CCNYL1: variants seen among roughly 807,000 people sequenced by gnomAD.
CCNYL1 encodes cyclin-Y-like protein 1.
In CCNYL1, 16 loss-of-function variants were observed where a neutral mutation model predicts 44.2. The ratio of observed to expected loss-of-function variants is 0.36; its 90% CI spans 0.25 to 0.55. The LOEUF (loss-of-function observed/expected upper bound fraction) is 0.55, where lower values mean the gene tolerates loss of function less well. Ranked by LOEUF, CCNYL1 falls within the 20% of genes least tolerant of loss-of-function variation. CCNYL1 has a pLI of 0.85. For missense variants in CCNYL1, 348 were observed against 451.8 expected, an observed-to-expected ratio of 0.77 and a Z score of 2.08; for synonymous variants, 159 against 163.2, an observed-to-expected ratio of 0.97 and a Z score of 0.20.
Position 207,734,062 on chromosome 2 carries a change from G to A in CCNYL1, c.431+15G>A. On this transcript the variant is annotated intron_variant, in intron 4 of 9. Coordinates refer to ENST00000295414, the MANE Select transcript of CCNYL1 (RefSeq NM_001330218.2). ...ACAGTAAAATGGTGAGTACAACTAG[G>A]CTGCCAAGGGCTGAGTGACAGACCC... The A allele has an allele frequency of 6.6e-7, 1 of 1,521,172 alleles. No individual in the cohort carries two copies. The highest frequency in any genetic ancestry group is 1.7e-5 in the Admixed American group (1 of 59,272). The allele number at this position is 1,521,172 out of a possible 1,614,324, so 94.2% of individuals were successfully genotyped here.
chr2:207,740,443 C>T (rs1286287390), intron 5 of CCNYL1, among the ~76,000 whole-genome samples: 1 of 152,140 alleles, frequency 6.6e-6, no homozygotes, highest in Non-Finnish European at 1.5e-5. Flanking sequence ...TAGAAAAGAC[C>T]TCACAGTACA....
chr2:207,725,153 G>GA (rs2091670832), intron 2 of CCNYL1, among the ~76,000 whole-genome samples: 1 of 139,766 alleles, frequency 7.2e-6, no homozygotes, highest in Admixed American at 7.9e-5. Context: ...TGAGAGGCTG[G>GA]AGTGCCTTTA....
At chr2:207,728,194 C>T (rs1337968355) in intron 3 of CCNYL1, among the ~76,000 whole-genome samples, 1 of 152,042 alleles carries the variant, frequency 6.6e-6, no homozygotes, top group Non-Finnish European at 1.5e-5. Context: ...GAACTCCTGA[C>T]CTCAGGTGAT....
intron 7 of CCNYL1, among the ~76,000 whole-genome samples, chr2:207,745,063 G>A (rs1013106690): frequency 3.3e-5 from 5 of 152,170 alleles, no homozygotes; most frequent in African/African-American, 1.2e-4. Context: ...ACCTTGGCAA[G>A]AGGAGTCTCA....
chr2:207,738,473 A>G (rs1448958801), intron 5 of CCNYL1, among the ~76,000 whole-genome samples: 1 of 152,106 alleles, frequency 6.6e-6, no homozygotes, highest in East Asian at 1.9e-4. Flanking sequence ...CACCCGCCTC[A>G]GCCTCCCAAA....
At chr2:207,737,388 A>G in intron 4 of CCNYL1, 23 bp from the exon 5 acceptor site, 1 of 1,584,314 alleles carries the variant, frequency 6.3e-7, no homozygotes, top group Non-Finnish European at 8.7e-7. Flanking sequence ...GTTGTTAAAA[A>G]TAATTTTTTT....
intron 5 of CCNYL1, among the ~76,000 whole-genome samples, chr2:207,739,891 C>T (rs2091795449): frequency 6.6e-6 from 1 of 152,204 alleles, no homozygotes. Flanking sequence ...TGCTGTTATA[C>T]ACTCATTACA....
intron 1 of CCNYL1, among the ~76,000 whole-genome samples, chr2:207,723,701 C>G (rs1575211283): frequency 6.6e-6 from 1 of 151,468 alleles, no homozygotes; most frequent in East Asian, 1.9e-4. Flanking sequence ...CATGGTAAAA[C>G]CCCGTCTCTA....
chr2:207,738,143 C>T (rs1375589127), intron 5 of CCNYL1, among the ~76,000 whole-genome samples: 1 of 152,140 alleles, frequency 6.6e-6, no homozygotes, highest in Non-Finnish European at 1.5e-5. Context: ...GACCTAGCCT[C>T]ACGCAAATAT....
At chr2:207,737,063 C>T (rs929189690) in intron 4 of CCNYL1, among the ~76,000 whole-genome samples, 1 of 152,122 alleles carries the variant, frequency 6.6e-6, no homozygotes, top group Admixed American at 6.6e-5. Flanking sequence ...ATACAGGCGC[C>T]TGCTACCACG....
chr2:207,727,851 T>C (rs1011938301), intron 3 of CCNYL1, among the ~76,000 whole-genome samples: 5 of 152,200 alleles, frequency 3.3e-5, no homozygotes, highest in African/African-American at 1.2e-4. Flanking sequence ...CCCTCTATCT[T>C]GTTATCCTTC....
rs753607237 is a variant in CCNYL1, at chr2:207,750,974, A to T, written c.824A>T (p.His275Leu). The T allele has an allele frequency of 1.2e-6, 2 of 1,613,650 alleles. No homozygotes were observed. The highest frequency in any genetic ancestry group is 1.3e-5 in the African/African-American group (1 of 74,996). The part of the protein sequence containing the change: ...TVEDMNEMER[H>L]FLELLQFNIN... The stretch of plus-strand genomic sequence containing the variant: ...TCCTCCAGGAATGAAATGGAAAGGC[A>T]TTTTCTGGAGCTTCTTCAGTTTAAT... Residue 275 changes from histidine to leucine, a missense_variant, in exon 9 of 10, where the codon CAT becomes CTT. This residue lies in a region of CCNYL1 where 94 missense variants were observed against 102.4 expected (regional missense o/e 0.92). Transcript: ENST00000295414.
intron 9 of CCNYL1, among the ~76,000 whole-genome samples, chr2:207,752,226 A>G (rs1377124233): frequency 1.3e-5 from 2 of 152,102 alleles, no homozygotes; most frequent in Admixed American, 6.6e-5. Context: ...CCTTCACTGT[A>G]TAGGATGCAG....
At chr2:207,749,802 A>G (rs2091878861) in intron 8 of CCNYL1, among the ~76,000 whole-genome samples, 1 of 152,232 alleles carries the variant, frequency 6.6e-6, no homozygotes, top group Admixed American at 6.5e-5. Context: ...CAAATGAGAA[A>G]ACCACATCTC....
At chr2:207,741,563 C>A (rs1045126092) in intron 6 of CCNYL1, among the ~76,000 whole-genome samples, 1 of 152,132 alleles carries the variant, frequency 6.6e-6, no homozygotes, top group Admixed American at 6.6e-5. Flanking sequence ...AGTACTTAGG[C>A]CAGCTGGGCA....
At chr2:207,722,370 G>C (rs1466833880) in intron 1 of CCNYL1, among the ~76,000 whole-genome samples, 1 of 151,854 alleles carries the variant, frequency 6.6e-6, no homozygotes, top group Non-Finnish European at 1.5e-5. Flanking sequence ...ACCATGCCCA[G>C]CCGCCTTGGA....
At chr2:207,743,650 A>T (rs2091829440) in intron 7 of CCNYL1, among the ~76,000 whole-genome samples, 1 of 152,176 alleles carries the variant, frequency 6.6e-6, no homozygotes, top group South Asian at 2.1e-4. Context: ...TTGAGGGACA[A>T]GCTCCCAGAT....
At chr2:207,734,082 A>G (rs1291407863) in intron 4 of CCNYL1, 35 bp downstream of exon 4, 3 of 1,349,380 alleles carry the variant, frequency 2.2e-6, no homozygotes, top group East Asian at 4.6e-5. Flanking sequence ...GCTGAGTGAC[A>G]GACCCCCTTA....
chr2:207,711,814 A>C lies in CCNYL1; in HGVS notation c.-83A>C, dbSNP rs1575204666. On this transcript the variant is annotated 5_prime_UTR_variant, in exon 1 of 10. Coordinates refer to ENST00000295414, the MANE Select transcript of CCNYL1 (RefSeq NM_001330218.2). ...CGGGGCTGCCGGTGCCGGCCGCGCC[A>C]TTGTTGGGGGAGGGGGCGGCTGTTG... is the stretch of plus-strand genomic sequence containing the variant. 1.1e-6 allele frequency: 1 copy of C among 943,804 alleles called. No individual in the cohort carries two copies. Among genetic ancestry groups the C allele is most frequent in the Non-Finnish European group, 1.4e-6 (1 of 697,908 alleles). 58.5% of individuals were successfully genotyped at this position (943,804 alleles called of 1,614,324 possible). A position where few individuals can be genotyped will look rare whatever the true frequency, so the allele number is the denominator to read the frequency against.
Sources: gnomAD v4.1 joint callset for allele counts (sites outside exome capture counted in the v4.1 genomes callset) on GRCh38, gnomAD v4.1.1 for gene constraint, gnomAD v4.1.1 regional missense constraint, MANE v1.5 for transcripts, NCBI Gene and HGNC (gene_info 2026-07-23, HGNC 2026-07-21) for gene names.